METTL15: variants seen among roughly 807,000 people sequenced by gnomAD.
The protein encoded by METTL15 is 12S rRNA N(4)-cytidine methyltransferase METTL15.
Under a neutral mutation model 38.3 loss-of-function variants are expected in METTL15, and 34 were observed. The observed-to-expected ratio is 0.89, with a 90% CI of 0.68 to 1.18. The LOEUF is 1.18. METTL15 is among the 50% of genes most tolerant of loss of function. The pLI is 0.00. For missense variants in METTL15, 438 were observed against 498.4 expected, an observed-to-expected ratio of 0.88 and a Z score of 1.15; for synonymous variants, 162 against 170.9, an observed-to-expected ratio of 0.95 and a Z score of 0.41.
rs372606079 is a variant in METTL15, at chr11:28,310,801, A to G, written c.778+13870A>G. Among the ~76,000 whole-genome samples, 10 of 151,858 alleles carry G rather than the reference A, an allele frequency of 6.6e-5. 1 individual carries two copies. In the East Asian group the frequency reaches 1.4e-3, roughly 21 times the overall value. On this transcript the variant is annotated intron_variant, in intron 6 of 6. Transcript: ENST00000407364. ...TGTATTTCATGTATCTTTGATTGTG[A>G]TATATCTTCCACCTGGAAAAAAATC...
At chr11:28,254,544 A>C (rs1854892062) in intron 4 of METTL15, among the ~76,000 whole-genome samples, 1 of 152,136 alleles carries the variant, frequency 6.6e-6, no homozygotes, top group African/African-American at 2.4e-5. Flanking sequence ...GGTATTACTT[A>C]AGAAATCTTT....
At chr11:28,188,046 A>C (rs1182636799) in intron 3 of METTL15, among the ~76,000 whole-genome samples, 2 of 151,314 alleles carry the variant, frequency 1.3e-5, no homozygotes, top group African/African-American at 4.8e-5. Context: ...CCCCTGGCTC[A>C]TGGCCAGTAG....
At chr11:28,157,484 G>T (rs1199264836) in intron 3 of METTL15, among the ~76,000 whole-genome samples, 1 of 152,160 alleles carries the variant, frequency 6.6e-6, no homozygotes. Context: ...TAGGATTTTG[G>T]AGCAAGGCCC....
intron 3 of METTL15, among the ~76,000 whole-genome samples, chr11:28,134,347 A>G (rs1461920446): frequency 3.3e-5 from 5 of 152,190 alleles, no homozygotes; most frequent in African/African-American, 9.7e-5. Context: ...CCCTATTTGT[A>G]TAAAGCGCAA....
chr11:28,427,670 T>C (rs1026756844), intron 6 of METTL15, among the ~76,000 whole-genome samples: 1 of 152,210 alleles, frequency 6.6e-6, no homozygotes, highest in African/African-American at 2.4e-5. Flanking sequence ...GCTGTATTCC[T>C]AGGTATTTTA....
At chr11:28,251,478 A>G (rs989650230) in intron 4 of METTL15, among the ~76,000 whole-genome samples, 2 of 152,048 alleles carry the variant, frequency 1.3e-5, no homozygotes, top group Non-Finnish European at 2.9e-5. Context: ...ATTTTCTCAT[A>G]TAAATTAGTC....
chr11:28,150,854 G>C (rs921959821), intron 3 of METTL15, among the ~76,000 whole-genome samples: 7 of 151,768 alleles, frequency 4.6e-5, no homozygotes, highest in Non-Finnish European at 8.8e-5. Context: ...ACCTGAAACT[G>C]TTCCAGCCTG....
chr11:28,304,532 A>C (rs1857016280), intron 6 of METTL15, among the ~76,000 whole-genome samples: 1 of 152,122 alleles, frequency 6.6e-6, no homozygotes, highest in Admixed American at 6.5e-5. Context: ...CCTGTTCAAC[A>C]TGGTGAAACC....
At chr11:28,348,669 T>G (rs1850016473) in intron 3 of METTL15, among the ~76,000 whole-genome samples, 1 of 149,848 alleles carries the variant, frequency 6.7e-6, no homozygotes, top group South Asian at 2.2e-4. Context: ...CACTGAACTT[T>G]GTCTATCCAT....
intron 3 of METTL15, among the ~76,000 whole-genome samples, chr11:28,181,758 C>A (rs2133784627): frequency 6.6e-6 from 1 of 152,014 alleles, no homozygotes; most frequent in Middle Eastern, 3.4e-3. Flanking sequence ...ATTTATAATT[C>A]TTTGGTATAT....
intron 6 of METTL15, among the ~76,000 whole-genome samples, chr11:28,450,813 A>G (rs1851114340): frequency 6.6e-6 from 1 of 152,228 alleles, no homozygotes; most frequent in East Asian, 1.9e-4. Context: ...GTAAAGAACC[A>G]TTGCTCTATA....
chr11:28,170,875 G>A (rs1223667210), intron 3 of METTL15, among the ~76,000 whole-genome samples: 1 of 152,072 alleles, frequency 6.6e-6, no homozygotes, highest in African/African-American at 2.4e-5. Context: ...CTGACCTCCT[G>A]TCTCATCCTG....
At chr11:28,525,638 G>T (rs796988185) in intron 6 of METTL15, among the ~76,000 whole-genome samples, 2 of 152,346 alleles carry the variant, frequency 1.3e-5, no homozygotes, top group African/African-American at 4.8e-5. Flanking sequence ...CAAACCTTGA[G>T]CTAGATACAG....
chr11:28,121,878 T>TGTAGCATTTATAG (rs1852254247), intron 3 of METTL15, among the ~76,000 whole-genome samples: 1 of 152,076 alleles, frequency 6.6e-6, no homozygotes, highest in African/African-American at 2.4e-5. Context: ...TTGGGATAAA[T>TGTAGCATTTATAG]GTAGCATTTA....
At chr11:28,137,559 A>C (rs1035057932) in intron 3 of METTL15, among the ~76,000 whole-genome samples, 4 of 152,200 alleles carry the variant, frequency 2.6e-5, no homozygotes, top group Non-Finnish European at 4.4e-5. Context: ...GGTTAATTCC[A>C]TATGTCCTCA....
chr11:28,178,173 A>T (rs1449428295), intron 3 of METTL15, among the ~76,000 whole-genome samples: 1 of 151,858 alleles, frequency 6.6e-6, no homozygotes, highest in Admixed American at 6.6e-5. Context: ...CTATTCAGGA[A>T]TATGCCATTA....
At chr11:28,196,625 A>G (rs1238084408) in intron 3 of METTL15, among the ~76,000 whole-genome samples, 1 of 151,980 alleles carries the variant, frequency 6.6e-6, no homozygotes, top group Non-Finnish European at 1.5e-5. Context: ...TCTGTATATA[A>G]GATCATATCA....
chr11:28,194,213 T>TC (rs1851823698), intron 3 of METTL15, among the ~76,000 whole-genome samples: 2 of 80,790 alleles, frequency 2.5e-5, no homozygotes, highest in Admixed American at 1.5e-4. Flanking sequence ...CTCTCTCTCT[T>TC]AATATATGGA....
chr11:28,285,489 A>C (rs1036805434), intron 4 of METTL15, among the ~76,000 whole-genome samples: 1 of 152,090 alleles, frequency 6.6e-6, no homozygotes, highest in South Asian at 2.1e-4. Context: ...CTTTGGAGTA[A>C]AGAAGACTTA....
Sources: gnomAD v4.1 joint callset for allele counts (sites outside exome capture counted in the v4.1 genomes callset) on GRCh38, gnomAD v4.1.1 for gene constraint, MANE v1.5 for transcripts, NCBI Gene and HGNC (gene_info 2026-07-23, HGNC 2026-07-21) for gene names.